The following VPS13C variants were observed in gnomAD, a reference collection of about 807,000 sequenced individuals.
VPS13C encodes the protein intermembrane lipid transfer protein VPS13C.
A neutral mutation model predicts 456.8 loss-of-function variants in VPS13C; 358 were observed. That is an observed-to-expected ratio of 0.78 (90% CI 0.72 to 0.86). The LOEUF is 0.86. VPS13C is among the 40% of genes least tolerant of loss of function. The pLI is 0.00. For missense variants in VPS13C, 4,818 were observed against 4,385.4 expected (o/e 1.10, Z -2.79); for synonymous variants, 1,578 against 1,486.7 (o/e 1.06, Z -1.41).
chr15:62,000,950 C>T (rs1395359589), intron 15 of VPS13C, among the ~76,000 whole-genome samples: 1 of 152,084 alleles, frequency 6.6e-6, no homozygotes, highest in Non-Finnish European at 1.5e-5. Flanking sequence ...ATTTATCATC[C>T]TTATGATTCT....
intron 11 of VPS13C, among the ~76,000 whole-genome samples, chr15:62,012,521 A>G (rs1264628879): frequency 6.6e-6 from 1 of 151,938 alleles, no homozygotes; most frequent in Non-Finnish European, 1.5e-5. Flanking sequence ...CAGAGATAGA[A>G]GATTGAAATT....
At chr15:61,935,180 G>A (rs2044185081) in intron 48 of VPS13C, among the ~76,000 whole-genome samples, 1 of 152,160 alleles carries the variant, frequency 6.6e-6, no homozygotes, top group South Asian at 2.1e-4. Flanking sequence ...TTGGAATTTT[G>A]AGACAAATGA....
chr15:61,997,474 T>G (rs550953126), intron 16 of VPS13C, among the ~76,000 whole-genome samples: 1 of 152,228 alleles, frequency 6.6e-6, no homozygotes, highest in Non-Finnish European at 1.5e-5. Flanking sequence ...TCTTCTGAAC[T>G]CCACATAATT....
chr15:61,937,506 G>A (rs1021901244), intron 47 of VPS13C, among the ~76,000 whole-genome samples: 6 of 151,980 alleles, frequency 3.9e-5, no homozygotes, highest in East Asian at 1.9e-4. Context: ...ATGGAGTCTC[G>A]CTCTGTCGCC....
intron 81 of VPS13C, chr15:61,864,388 G>C (rs1445997585): frequency 1.1e-6 from 1 of 902,718 alleles, no homozygotes; most frequent in Non-Finnish European, 1.3e-6. Flanking sequence ...TATTAAAAAC[G>C]AGTTTTTTTA....
intron 53 of VPS13C, among the ~76,000 whole-genome samples, chr15:61,923,777 TTAA>T (rs1439355795): frequency 6.6e-6 from 1 of 150,400 alleles, no homozygotes; most frequent in African/African-American, 2.5e-5. Context: ...CCGTGTCTTA[TTAA>T]TGTCACTTAT....
intron 15 of VPS13C, among the ~76,000 whole-genome samples, chr15:62,004,965 T>C (rs2046780201): frequency 6.6e-6 from 1 of 152,010 alleles, no homozygotes; most frequent in African/African-American, 2.4e-5. Context: ...TTGGAATAGG[T>C]GTGGTGTGGT....
intron 1 of VPS13C, 88 bp downstream of exon 1, chr15:62,060,187 G>C (rs1325071157): frequency 5.8e-6 from 4 of 686,346 alleles, no homozygotes; most frequent in South Asian, 1.6e-5. Flanking sequence ...GCGGCGCAGG[G>C]AGCAGGGCCC....
chr15:61,931,323 C>T (rs2044048295), intron 49 of VPS13C, 64 bp from the exon 50 acceptor site: 2 of 1,434,458 alleles, frequency 1.4e-6, no homozygotes, highest in African/African-American at 1.4e-5. Context: ...TACTTTTAAA[C>T]ATATTACTTA....
chr15:61,984,171 T>C (rs887184765), intron 19 of VPS13C, among the ~76,000 whole-genome samples, 159 bp from the exon 20 acceptor site: 2 of 152,244 alleles, frequency 1.3e-5, no homozygotes, highest in African/African-American at 2.4e-5. Flanking sequence ...GGCATTCAAT[T>C]GCTCACACAC....
chr15:62,000,547 C>T lies in VPS13C; in HGVS notation c.1353+17G>A. The T allele has an allele frequency of 1.3e-6, 2 of 1,598,434 alleles. No homozygotes were observed. The highest frequency in any genetic ancestry group is 1.7e-6 in the Non-Finnish European group (2 of 1,173,222). On this transcript the variant is annotated intron_variant, in intron 16 of 84. Transcript: ENST00000644861. ...TAACATGTTTAAAACATAAAATCAGCTAATAAAAATGATTACCTCAACTTG... is the reference window on the plus strand; with the variant it reads ...TAACATGTTTAAAACATAAAATCAGTTAATAAAAATGATTACCTCAACTTG...
intron 1 of VPS13C, among the ~76,000 whole-genome samples, chr15:62,056,088 G>A (rs566953197): frequency 6.6e-6 from 1 of 152,162 alleles, no homozygotes; most frequent in Non-Finnish European, 1.5e-5. Context: ...AGACATTCCA[G>A]TTAAGATGTA....
At chr15:62,013,196 G>C in intron 10 of VPS13C, 77 bp from the exon 11 acceptor site, 1 of 1,064,108 alleles carries the variant, frequency 9.4e-7, no homozygotes, top group Non-Finnish European at 1.3e-6. Context: ...TTATTCTCAT[G>C]TTCACCACTC....
At chr15:62,004,147 T>C (rs1338455275) in intron 15 of VPS13C, among the ~76,000 whole-genome samples, 5 of 151,776 alleles carry the variant, frequency 3.3e-5, no homozygotes, top group Non-Finnish European at 7.4e-5. Context: ...ATCCATCTGG[T>C]CCTGGACTCT....
chr15:61,869,218 C>T (rs921181528), intron 80 of VPS13C, among the ~76,000 whole-genome samples: 7 of 150,756 alleles, frequency 4.6e-5, no homozygotes, highest in African/African-American at 9.8e-5. Context: ...CCTAGGTTCA[C>T]GCGGTTCTCA....
chr15:62,049,153 G>C (rs1211647920), intron 1 of VPS13C, among the ~76,000 whole-genome samples: 3 of 152,138 alleles, frequency 2.0e-5, no homozygotes, highest in African/African-American at 7.2e-5. Flanking sequence ...ATTGCTTTTG[G>C]TGTTTTAGAC....
intron 1 of VPS13C, among the ~76,000 whole-genome samples, chr15:62,050,783 C>G (rs975863182): frequency 3.6e-5 from 5 of 137,068 alleles, no homozygotes; most frequent in African/African-American, 1.4e-4. Flanking sequence ...GCCTCAGTGA[C>G]AGCCAGAGCA....
chr15:61,882,631 G>C lies in VPS13C; in HGVS notation c.9589C>G (p.Gln3197Glu). ...IQIEFKQSSH[Q>E]RSLRARLYWL... Reference sequence around the variant, plus strand: ...TACAACCTGGCCCTTAAACTTCTCTGGTGAGAAGACTGCTTAAATTCAATC... The same window carrying C: ...TACAACCTGGCCCTTAAACTTCTCTCGTGAGAAGACTGCTTAAATTCAATC... The change falls in exon 69 of 85, where the codon CAG (glutamine) becomes GAG (glutamate). Residue 3197 changes from glutamine (Q) to glutamate (E), a missense_variant. Transcript: ENST00000644861. 1 of 1,597,904 alleles carries C rather than the reference G, an allele frequency of 6.3e-7. No homozygotes were observed. Among genetic ancestry groups the C allele is most frequent in the South Asian group, 1.2e-5 (1 of 86,778 alleles).
At chr15:61,966,673 G>C (rs1196899868) in intron 29 of VPS13C, among the ~76,000 whole-genome samples, 1 of 151,942 alleles carries the variant, frequency 6.6e-6, no homozygotes, top group Non-Finnish European at 1.5e-5. Context: ...CCTGTGAGAA[G>C]TCTTCTGGCC....
Sources: gnomAD v4.1 joint callset for allele counts (sites outside exome capture counted in the v4.1 genomes callset) on GRCh38, gnomAD v4.1.1 for gene constraint, MANE v1.5 for transcripts, NCBI Gene and HGNC (gene_info 2026-07-23, HGNC 2026-07-21) for gene names.